The following FNTB variants were observed in gnomAD, a reference collection of about 807,000 sequenced individuals.
FNTB encodes the protein farnesyltransferase, CAAX box, subunit beta, also known as protein farnesyltransferase subunit beta.
FNTB carries 27 observed loss-of-function variants against 59.4 expected under a neutral mutation model. That is an observed-to-expected ratio of 0.45 (90% CI 0.34 to 0.63). The LOEUF (loss-of-function observed/expected upper bound fraction) is 0.63, where lower values mean the gene tolerates loss of function less well. Ranked by LOEUF, FNTB falls within the 20% of genes least tolerant of loss-of-function variation. The pLI is 0.02. For synonymous variants in FNTB, 230 were observed against 220.7 expected, an observed-to-expected ratio of 1.04 and a Z score of -0.37; for missense variants, 449 against 559.6, an observed-to-expected ratio of 0.80 and a Z score of 1.99.
In FNTB at chr14:65,014,373, C is replaced by G. The variant is rs1322907599; in HGVS notation, c.283-1252C>G. ...AGTCAGTCTCTTCCACGTGCTCCCT[C>G]AAAACTCTGTTTTCGTCCATTACAG... On this transcript the variant is annotated intron_variant, in intron 3 of 11. Transcript: ENST00000246166. The surrounding 1 kb of genome is among the most constrained non-coding windows in gnomAD (Gnocchi z 5.1). Among the ~76,000 whole-genome samples, 4 of 152,182 alleles carry G rather than the reference C, an allele frequency of 2.6e-5. No individual in the cohort carries two copies. Among genetic ancestry groups the G allele is most frequent in the Non-Finnish European group, 5.9e-5 (4 of 68,034 alleles).
chr14:65,004,275 G>C lies in FNTB; in HGVS notation c.171G>C (p.Glu57Asp). The change falls in exon 2 of 12, where the codon GAG becomes GAC. Residue 57 changes from glutamate (E) to aspartate (D), a missense_variant. By Grantham distance (45) the Glu-to-Asp change is conservative. Around this residue, in one of 2 missense-constraint regions of FNTB, gnomAD observed 112 missense variants for 80.5 expected, o/e 1.39. Coordinates refer to ENST00000246166, the MANE Select transcript of FNTB (RefSeq NM_002028.4). ...CAAAAGTAGAAGAAAAGATCCAAGA[G>C]GTCTTCAGTTCTTACAAGTTCAACC... The part of the protein sequence containing the change: ...EQAKVEEKIQ[E>D]VFSSYKFNHL... 1 of 1,613,260 alleles carries C rather than the reference G, an allele frequency of 6.2e-7. No individual in the cohort carries two copies. Among genetic ancestry groups the C allele is most frequent in the Non-Finnish European group, 8.5e-7 (1 of 1,179,568 alleles).
rs888646693 is a variant in FNTB at position 64,997,353 on chromosome 14, A to C, written c.145-6896A>C. On this transcript the variant is annotated intron_variant, in intron 1 of 11. Coordinates refer to ENST00000246166, the MANE Select transcript of FNTB (RefSeq NM_002028.4). This position sits in a 1 kb window ranked among gnomAD's most constrained non-coding sequence, Gnocchi z 4.5. The stretch of plus-strand genomic sequence containing the variant: ...CACCCACAGGCTGACTCAGTGCCGG[A>C]GGACCATCTTCCTTCCACATCCCTA... Among the ~76,000 whole-genome samples, 1 of 152,154 alleles carries C rather than the reference A, an allele frequency of 6.6e-6. No homozygotes were observed. Among genetic ancestry groups the C allele is most frequent in the Admixed American group, 6.5e-5 (1 of 15,268 alleles).
rs1263951495 is a variant in FNTB, at chr14:65,023,711, G to C, written c.375-3742G>C. ...GAATTTAAATTGCCTCATGTGGCTA[G>C]TGGCTGCCTATTGGACAGCACAGAT... On this transcript the variant is annotated intron_variant, in intron 4 of 11. Transcript: ENST00000246166. This position sits in a 1 kb window ranked among gnomAD's most constrained non-coding sequence, Gnocchi z 4.1. 6.6e-6 allele frequency among the ~76,000 whole-genome samples: 1 copy of C among 152,206 alleles called. No homozygotes were observed. Among genetic ancestry groups the C allele is most frequent in the Non-Finnish European group, 1.5e-5 (1 of 68,038 alleles).
intron 7 of FNTB, among the ~76,000 whole-genome samples, chr14:65,035,674 C>T (rs912465073): frequency 5.3e-5 from 8 of 151,076 alleles, no homozygotes; most frequent in Non-Finnish European, 5.9e-5. Flanking sequence ...GGACAACAAG[C>T]GCGTGCCACC....
At chr14:64,993,383 T>C (rs1239362470) in intron 1 of FNTB, among the ~76,000 whole-genome samples, 1 of 152,254 alleles carries the variant, frequency 6.6e-6, no homozygotes, top group Non-Finnish European at 1.5e-5. Flanking sequence ...ATTTATCTTG[T>C]TTCACTGATT....
At position 65,031,754 on chromosome 14, in the gene FNTB, C is replaced by A. The variant is rs1267740736; in HGVS notation, c.606-856C>A. ...TAGCCAACATGGCGAAACCCCATCT[C>A]CACTAAAAATAGAAAAATAAGCCAG... On this transcript the variant is annotated intron_variant, in intron 6 of 11. Coordinates refer to ENST00000246166, the MANE Select transcript of FNTB (RefSeq NM_002028.4). The surrounding 1 kb of genome is among the most constrained non-coding windows in gnomAD (Gnocchi z 4.6). Among the ~76,000 whole-genome samples the A allele has an allele frequency of 6.6e-6, 1 of 152,076 alleles. No homozygotes were observed. Among genetic ancestry groups the A allele is most frequent in the Non-Finnish European group, 1.5e-5 (1 of 68,004 alleles).
Position 65,029,577 on chromosome 14 carries a change from C to G in FNTB, c.605+1796C>G, listed in dbSNP as rs1042112480. Among the ~76,000 whole-genome samples the G allele has an allele frequency of 6.6e-6, 1 of 152,318 alleles. No individual in the cohort carries two copies. The highest frequency in any genetic ancestry group is 1.5e-5 in the Non-Finnish European group (1 of 68,026). On this transcript the variant is annotated intron_variant, in intron 6 of 11. Transcript: ENST00000246166. This position sits in a 1 kb window ranked among gnomAD's most constrained non-coding sequence, Gnocchi z 4.7. Reference sequence around the variant, plus strand: ...TTTTCTCAGTTCTTAAGAAAGGAGACCTCCTTTCTAGGTTATATAATCTAG... The same window carrying G: ...TTTTCTCAGTTCTTAAGAAAGGAGAGCTCCTTTCTAGGTTATATAATCTAG...
At chr14:65,038,066 G>A (rs1277036758) in intron 7 of FNTB, among the ~76,000 whole-genome samples, 2 of 152,050 alleles carry the variant, frequency 1.3e-5, no homozygotes, top group South Asian at 2.1e-4. Context: ...CACCTGGCCA[G>A]CCTTTTAAAA....
chr14:65,006,169 TTTTTG>T, intron 2 of FNTB: 1 of 1,607,752 alleles, frequency 6.2e-7, no homozygotes, highest in Non-Finnish European at 8.5e-7. Context: ...TTTTTTTTTT[TTTTTG>T]CCACCATTTC....
intron 8 of FNTB, among the ~76,000 whole-genome samples, chr14:65,041,911 T>C (rs1302880747): frequency 6.6e-6 from 1 of 152,222 alleles, no homozygotes; most frequent in Non-Finnish European, 1.5e-5. Flanking sequence ...GCCTCAGTTA[T>C]AAAGACAGTG....
In FNTB at chr14:65,040,285, A is replaced by ATATATATATGTATATATATGTGTGTG. The variant is rs1566565373; in HGVS notation, c.693-496_693-495insGTATATATATGTGTGTGTATATATAT. ...TATATATATGTATATATATGTGTGTATATATATATATGTATATATATGTGT... is the reference window on the plus strand; with the variant it reads ...TATATATATGTATATATATGTGTGTATATATATATGTATATATATGTGTGTGTATATATATATGTATATATATGTGT... On this transcript the variant is annotated intron_variant, in intron 7 of 11. Coordinates refer to ENST00000246166, the MANE Select transcript of FNTB (RefSeq NM_002028.4). Among the ~76,000 whole-genome samples the ATATATATATGTATATATATGTGTGTG allele has an allele frequency of 2.1e-5, 3 of 145,144 alleles. No individual in the cohort carries two copies. The East Asian group carries it at 5.9e-4, about 28-fold the overall frequency.
intron 2 of FNTB, among the ~76,000 whole-genome samples, chr14:65,010,453 T>C (rs1333614854): frequency 1.3e-5 from 2 of 152,212 alleles, no homozygotes; most frequent in African/African-American, 2.4e-5. Flanking sequence ...CCCAGCATCC[T>C]AAGACCCACA....
Position 65,030,372 on chromosome 14 carries a change from A to T in FNTB, c.606-2238A>T, listed in dbSNP as rs906335806. 9.2e-5 allele frequency among the ~76,000 whole-genome samples: 14 copies of T among 152,186 alleles called. No individual in the cohort carries two copies. Among genetic ancestry groups the T allele is most frequent in the Non-Finnish European group, 1.8e-4 (12 of 68,046 alleles). Reference sequence around the variant, plus strand: ...AAAAATGCTGGTAGGATCATAATGCATGCAGCTTCTGCAGAGACTTCTTTG... The same window carrying T: ...AAAAATGCTGGTAGGATCATAATGCTTGCAGCTTCTGCAGAGACTTCTTTG... On this transcript the variant is annotated intron_variant, in intron 6 of 11. Coordinates refer to ENST00000246166, the MANE Select transcript of FNTB (RefSeq NM_002028.4). This position sits in a 1 kb window ranked among gnomAD's most constrained non-coding sequence, Gnocchi z 4.5.
rs995447151 is a variant in FNTB at position 65,035,900 on chromosome 14, C to T, written c.692+3204C>T. Among the ~76,000 whole-genome samples the T allele has an allele frequency of 5.3e-5, 8 of 151,870 alleles. No homozygotes were observed. In the East Asian group the frequency reaches 5.8e-4, roughly 11 times the overall value. ...TGGCTGGATTGCAGTGATATGATCACGGCTCACTGCAGCCTTGACCTCCTG... is the reference window on the plus strand; with the variant it reads ...TGGCTGGATTGCAGTGATATGATCATGGCTCACTGCAGCCTTGACCTCCTG... On this transcript the variant is annotated intron_variant, in intron 7 of 11. Transcript: ENST00000246166.
chr14:65,012,258 G>A lies in FNTB; in HGVS notation c.210-59G>A, dbSNP rs558211780. The A allele has an allele frequency of 3.7e-5, 59 of 1,597,958 alleles. No homozygotes were observed. The East Asian group carries it at 5.6e-4, about 15-fold the overall frequency. On this transcript the variant is annotated intron_variant, in intron 2 of 11. Transcript: ENST00000246166. The surrounding 1 kb of genome is among the most constrained non-coding windows in gnomAD (Gnocchi z 5.0). Reference sequence around the variant, plus strand: ...CCCGTGTGTGTGTACGTGCACATACGTGTGTATGGTGGAAGCATAAGCTAT... The same window carrying A: ...CCCGTGTGTGTGTACGTGCACATACATGTGTATGGTGGAAGCATAAGCTAT...
chr14:65,019,130 ACCACTGCACTCCAGCCTGGG>A (rs2061838526), intron 4 of FNTB, among the ~76,000 whole-genome samples: 8 of 151,946 alleles, frequency 5.3e-5, no homozygotes, highest in Admixed American at 4.6e-4. Flanking sequence ...CCAAGATTGC[ACCACTGCACTCCAGCCTGGG>A]CAACAAGAGT....
At chr14:65,045,848 A>T (rs2062465223) in intron 9 of FNTB, among the ~76,000 whole-genome samples, 1 of 152,206 alleles carries the variant, frequency 6.6e-6, no homozygotes, top group African/African-American at 2.4e-5. Flanking sequence ...AGGTGTCAGT[A>T]TTAAGGCATA....
Position 65,032,178 on chromosome 14 carries a change from A to G in FNTB, c.606-432A>G, listed in dbSNP as rs1022125383. On this transcript the variant is annotated intron_variant, in intron 6 of 11. Coordinates refer to ENST00000246166, the MANE Select transcript of FNTB (RefSeq NM_002028.4). The surrounding 1 kb of genome is among the most constrained non-coding windows in gnomAD (Gnocchi z 5.0). ...GCAGAAAAAGTATAGTTAATCTTTA[A>G]TGTGTCAAGGCTGTAAACAGAAATC... Among the ~76,000 whole-genome samples, 2 of 152,158 alleles carry G rather than the reference A, an allele frequency of 1.3e-5. No individual in the cohort carries two copies. Among genetic ancestry groups the G allele is most frequent in the Non-Finnish European group, 2.9e-5 (2 of 68,028 alleles).
In FNTB at chr14:65,043,002, T is replaced by C. The variant is rs73270829; in HGVS notation, c.823-1309T>C. Among the ~76,000 whole-genome samples, 457 of 152,316 alleles carry C rather than the reference T, an allele frequency of 3.0e-3. 3 individuals are homozygous for C. Among genetic ancestry groups the C allele is most frequent in the African/African-American group, 8.3e-3 (346 of 41,574 alleles). On this transcript the variant is annotated intron_variant, in intron 8 of 11. Coordinates refer to ENST00000246166, the MANE Select transcript of FNTB (RefSeq NM_002028.4). ...GTGTTGCCTTGAAGAGGGAATAATC[T>C]AAACAACAGCTTTTAGGGGAGGGCT...
Sources: gnomAD v4.1 joint callset for allele counts (sites outside exome capture counted in the v4.1 genomes callset) on GRCh38, gnomAD v4.1.1 for gene constraint, gnomAD v4.1.1 regional missense constraint, Gnocchi (gnomAD v3.1) non-coding constraint, MANE v1.5 for transcripts, NCBI Gene and HGNC (gene_info 2026-07-23, HGNC 2026-07-21) for gene names.